HSPA9: variants seen among roughly 807,000 people sequenced by gnomAD.
HSPA9 encodes the protein heat shock protein family A (Hsp70) member 9.
In HSPA9, 28 loss-of-function variants were observed where a neutral mutation model predicts 81.5. That is an observed-to-expected ratio of 0.34 (90% CI 0.25 to 0.47). The LOEUF (loss-of-function observed/expected upper bound fraction) is 0.47, where lower values mean the gene tolerates loss of function less well. HSPA9 is among the 20% of genes least tolerant of loss of function. The pLI, the probability that HSPA9 is intolerant of heterozygous loss-of-function variation, is 1.00. For synonymous variants in HSPA9, 293 were observed against 290.4 expected, an observed-to-expected ratio of 1.01 and a Z score of -0.09; for missense variants, 678 against 838.0, an observed-to-expected ratio of 0.81 and a Z score of 2.36.
chr5:138,566,947 CA>C, intron 8 of HSPA9, 53 bp downstream of exon 8: 1 of 1,562,632 alleles, frequency 6.4e-7, no homozygotes. Flanking sequence ...GCAATCTGAA[CA>C]AAGAATTTCT....
rs758911711 is a variant in HSPA9, at chr5:138,560,045, G to A, written c.1229C>T (p.Ala410Val). Residue 410 changes from alanine to valine, a missense_variant, in exon 11 of 17, where the codon GCT (alanine) becomes GTT (valine). This residue lies in a region of HSPA9 where 484 missense variants were observed against 647.5 expected (regional missense o/e 0.75). Transcript: ENST00000297185. Reference protein sequence around the residue: ...QDLFGRAPSKAVNPDEAVAIG... With the variant: ...QDLFGRAPSKVVNPDEAVAIG... ...GGCCACAGCCTCATCAGGATTGACA[G>A]CTTTACTTGGGGCTCTGCCAAAAAG... 6.2e-7 allele frequency: 1 copy of A among 1,614,126 alleles called. No homozygotes were observed. Among genetic ancestry groups the A allele is most frequent in the African/African-American group, 1.3e-5 (1 of 75,024 alleles).
intron 3 of HSPA9, among the ~76,000 whole-genome samples, chr5:138,573,377 G>C (rs185342): frequency 0.95 from 144,389 of 152,146 alleles, 68,555 homozygotes; most frequent in East Asian, 0.99. Flanking sequence ...GAAGTACTTC[G>C]AGGCCAGGCT....
intron 11 of HSPA9, 149 bp downstream of exon 11, chr5:138,559,715 C>A: frequency 1.5e-6 from 1 of 674,588 alleles, no homozygotes; most frequent in South Asian, 1.7e-5. Context: ...ACACAGGATT[C>A]TCACCACCCA....
chr5:138,570,073 T>TC (rs553883653), intron 4 of HSPA9, among the ~76,000 whole-genome samples: 68 of 152,020 alleles, frequency 4.5e-4, no homozygotes, highest in Non-Finnish European at 8.2e-4. Flanking sequence ...AGGTGGCTTT[T>TC]CCCCAAGTTG....
chr5:138,561,377 G>C (rs1202259752), intron 10 of HSPA9, among the ~76,000 whole-genome samples: 3 of 152,076 alleles, frequency 2.0e-5, no homozygotes, highest in African/African-American at 7.2e-5. Context: ...CCGAAGTGTT[G>C]GGATTATAGG....
chr5:138,561,925 T>C (rs1750668681), intron 9 of HSPA9, 136 bp from the exon 10 acceptor site: 1 of 737,068 alleles, frequency 1.4e-6, no homozygotes, highest in Non-Finnish European at 2.4e-6. Context: ...CTAATTTAAA[T>C]GAATAGTCAC....
intron 4 of HSPA9, among the ~76,000 whole-genome samples, chr5:138,569,643 C>T (rs919773992): frequency 1.3e-5 from 2 of 152,146 alleles, no homozygotes; most frequent in Non-Finnish European, 2.9e-5. Context: ...TAGAGGTCCA[C>T]GCAACTCCAT....
intron 4 of HSPA9, 33 bp from the exon 5 acceptor site, chr5:138,569,082 T>C: frequency 1.9e-6 from 3 of 1,608,334 alleles, no homozygotes; most frequent in Non-Finnish European, 2.6e-6. Flanking sequence ...TAGAGAAAAC[T>C]ACCTGAACAA....
chr5:138,571,269 A>T, intron 3 of HSPA9, 128 bp from the exon 4 acceptor site: 5 of 896,326 alleles, frequency 5.6e-6, no homozygotes, highest in Non-Finnish European at 8.8e-6. Context: ...CAACCTCCGC[A>T]TCCTGGGTTC....
At chr5:138,571,624 T>TA (rs1030283363) in intron 3 of HSPA9, among the ~76,000 whole-genome samples, 1 of 152,106 alleles carries the variant, frequency 6.6e-6, no homozygotes, top group African/African-American at 2.4e-5. Flanking sequence ...AAGGTATCTT[T>TA]AGCCCTTTAC....
chr5:138,561,962 CAG>C (rs1750670093), intron 9 of HSPA9, among the ~76,000 whole-genome samples, 173 bp from the exon 10 acceptor site: 1 of 150,330 alleles, frequency 6.7e-6, no homozygotes, highest in Non-Finnish European at 1.5e-5. Context: ...TTTTTTGAGA[CAG>C]AGTCTCATTC....
rs964775401 is a variant in HSPA9 at position 138,568,865 on chromosome 5, G to C, written c.535+60C>G. The C allele has an allele frequency of 1.9e-6, 3 of 1,574,492 alleles. No individual in the cohort carries two copies. The Admixed American group carries it at 5.0e-5, about 26-fold the overall frequency. Reference sequence around the variant, plus strand: ...ACAGGAGCTGGAGCACAGGGAGCTAGTGATCTCACAGGAATCATTGTTCTT... The same window carrying C: ...ACAGGAGCTGGAGCACAGGGAGCTACTGATCTCACAGGAATCATTGTTCTT... On this transcript the variant is annotated intron_variant, in intron 5 of 16. Transcript: ENST00000297185.
chr5:138,558,913 A>T, intron 11 of HSPA9: 1 of 423,072 alleles, frequency 2.4e-6, no homozygotes. Flanking sequence ...CTCAAAAGGA[A>T]CTAAAATGTT....
At chr5:138,567,242 C>T (rs1167798048) in intron 7 of HSPA9, 79 bp from the exon 8 acceptor site, 1 of 1,254,260 alleles carries the variant, frequency 8.0e-7, no homozygotes, top group East Asian at 2.5e-5. Flanking sequence ...ATTTCAATAA[C>T]CAAATACAGA....
In HSPA9 at chr5:138,554,644, A is replaced by C. The variant is rs1750481926; in HGVS notation, c.*1393T>G. Among the ~76,000 whole-genome samples, 1 of 152,262 alleles carries C rather than the reference A, an allele frequency of 6.6e-6. No individual in the cohort carries two copies. The highest frequency in any genetic ancestry group is 1.5e-5 in the Non-Finnish European group (1 of 68,048). ...ATTTCTACATATTACAAAACATTAT[A>C]AAAGGAGCCATTGTGTCTGATATTC... On this transcript the variant is annotated 3_prime_UTR_variant, in exon 17 of 17. Transcript: ENST00000297185.
intron 4 of HSPA9, among the ~76,000 whole-genome samples, chr5:138,569,618 G>T (rs1311140144): frequency 1.3e-5 from 2 of 151,918 alleles, no homozygotes; most frequent in African/African-American, 4.8e-5. Context: ...CATGCTAAGT[G>T]AAAGAAGCCA....
intron 4 of HSPA9, 171 bp downstream of exon 4, chr5:138,570,789 T>G: frequency 1.5e-6 from 1 of 674,376 alleles, no homozygotes; most frequent in East Asian, 2.8e-5. Flanking sequence ...TGGCCAAAAA[T>G]GAATTTTTTA....
At chr5:138,556,614 T>A (rs377697898) in intron 15 of HSPA9, 22 bp from the exon 16 acceptor site, 10 of 1,613,214 alleles carry the variant, frequency 6.2e-6, no homozygotes, top group African/African-American at 2.7e-5. Flanking sequence ...AAAACAAAAA[T>A]CCTTACTTTT....
At chr5:138,558,783 C>G (rs1750589867) in intron 11 of HSPA9, 126 bp from the exon 12 acceptor site, 1 of 709,526 alleles carries the variant, frequency 1.4e-6, no homozygotes, top group African/African-American at 1.8e-5. Flanking sequence ...ATGTTCAGAA[C>G]AAAGGCTGAT....
Sources: allele counts gnomAD v4.1 joint callset (sites outside exome capture counted in the v4.1 genomes callset), GRCh38; gene constraint gnomAD v4.1.1; regional missense constraint gnomAD v4.1.1; transcripts MANE v1.5; gene names NCBI Gene and HGNC (gene_info 2026-07-23, HGNC 2026-07-21).